Variants in TMEM132D observed in about 807,000 individuals in gnomAD.
TMEM132D encodes the protein transmembrane protein 132D, also known as mature OL transmembrane protein.
In TMEM132D, 21 loss-of-function variants were observed where a neutral mutation model predicts 62.3. That is an observed-to-expected ratio of 0.34 (90% confidence interval 0.24 to 0.49). TMEM132D has a LOEUF of 0.49. Ranked by LOEUF, TMEM132D falls within the 20% of genes least tolerant of loss-of-function variation. The probability of loss-of-function intolerance (pLI) is 0.99; values close to 1 mark genes in which losing one functional copy is unlikely to be tolerated. For missense variants in TMEM132D, 1,346 were observed against 1,402.8 expected (o/e 0.96, Z 0.65); for synonymous variants, 621 against 575.6 (o/e 1.08, Z -1.13).
At chr12:129,874,490 T>C (rs1003033667) in intron 1 of TMEM132D, among the ~76,000 whole-genome samples, 1 of 151,978 alleles carries the variant, frequency 6.6e-6, no homozygotes, top group Non-Finnish European at 1.5e-5. Context: ...TTAACTTGAT[T>C]GTGGTAATCA....
rs1341795102 is a variant in TMEM132D at position 129,747,488 on chromosome 12, CCT to C, written c.80-46792_80-46791del. On this transcript the variant is annotated intron_variant, in intron 1 of 8. Coordinates refer to ENST00000422113, the MANE Select transcript of TMEM132D (RefSeq NM_133448.3). ...TTCAGACACACACACTCTCAGATAC[CCT>C]CTCACACACACTCAGACACACACAC... is the stretch of plus-strand genomic sequence containing the variant. 2.3e-4 allele frequency among the ~76,000 whole-genome samples: 34 copies of C among 147,240 alleles called. 1 individual carries two copies.
intron 3 of TMEM132D, among the ~76,000 whole-genome samples, chr12:129,352,304 C>G (rs1414725735): frequency 1.3e-5 from 2 of 152,070 alleles, no homozygotes; most frequent in East Asian, 1.9e-4. Flanking sequence ...AAAATTAATC[C>G]TTTATCACAA....
At chr12:129,169,103 C>T (rs1877644466) in intron 5 of TMEM132D, among the ~76,000 whole-genome samples, 1 of 152,146 alleles carries the variant, frequency 6.6e-6, no homozygotes, top group Admixed American at 6.5e-5. Context: ...ACAACCAAAC[C>T]ATCCAAAGAG....
intron 3 of TMEM132D, among the ~76,000 whole-genome samples, chr12:129,518,151 C>T (rs2137078867): frequency 6.6e-6 from 1 of 151,578 alleles, no homozygotes; most frequent in East Asian, 1.9e-4. Flanking sequence ...TTCATGTTAA[C>T]CTCAATTTCA....
intron 8 of TMEM132D, among the ~76,000 whole-genome samples, chr12:129,075,641 T>C (rs1183729189): frequency 1.3e-5 from 2 of 152,198 alleles, no homozygotes; most frequent in African/African-American, 4.8e-5. Flanking sequence ...CCTCAGGCCA[T>C]AGTCTTGGCT....
At chr12:129,868,027 G>GGCGTTTATATGGTACACACATGAGACA (rs1874111446) in intron 1 of TMEM132D, among the ~76,000 whole-genome samples, 1 of 121,382 alleles carries the variant, frequency 8.2e-6, no homozygotes, top group Non-Finnish European at 1.8e-5. Flanking sequence ...TACATGAGGT[G>GGCGTTTATATGGTACACACATGAGACA]GCGTTTCTAT....
At chr12:129,870,992 CACAG>C (rs978017611) in intron 1 of TMEM132D, among the ~76,000 whole-genome samples, 1 of 152,070 alleles carries the variant, frequency 6.6e-6, no homozygotes, top group African/African-American at 2.4e-5. Flanking sequence ...TGGAGAGAGA[CACAG>C]ACAGCAGGCA....
At position 129,867,859 on chromosome 12, in the gene TMEM132D, G is replaced by A. The variant is rs1272003604; in HGVS notation, c.79+35402C>T. Among the ~76,000 whole-genome samples, 1 of 152,204 alleles carries A rather than the reference G, an allele frequency of 6.6e-6. No individual in the cohort carries two copies. The highest frequency in any genetic ancestry group is 1.9e-4 in the East Asian group (1 of 5,190). ...TGACAGGGGCCAGAGATGGGTTGGG[G>A]TTGCTGGAAAAGGAGCAGAAGAAAC... On this transcript the variant is annotated intron_variant, in intron 1 of 8. Coordinates refer to ENST00000422113, the MANE Select transcript of TMEM132D (RefSeq NM_133448.3). This position sits in a 1 kb window ranked among gnomAD's most constrained non-coding sequence, Gnocchi z 4.5.
chr12:129,736,619 A>AG (rs1373925600), intron 1 of TMEM132D, among the ~76,000 whole-genome samples: 1 of 151,606 alleles, frequency 6.6e-6, no homozygotes, highest in Non-Finnish European at 1.5e-5. Flanking sequence ...AGTATTGAAA[A>AG]AAAAACTTTC....
chr12:129,569,923 C>T (rs1413895625), intron 2 of TMEM132D, among the ~76,000 whole-genome samples: 2 of 152,198 alleles, frequency 1.3e-5, no homozygotes, highest in African/African-American at 4.8e-5. Context: ...ACGTATCCTA[C>T]TTCAACTCTA....
At chr12:129,099,189 C>T (rs138212920) in intron 5 of TMEM132D, among the ~76,000 whole-genome samples, 70 of 152,300 alleles carry the variant, frequency 4.6e-4, no homozygotes, top group Non-Finnish European at 8.1e-4. Flanking sequence ...CCTCTAAAAT[C>T]ATCCACATTC....
At chr12:129,563,467 G>C (rs1227880654) in intron 2 of TMEM132D, among the ~76,000 whole-genome samples, 1 of 152,114 alleles carries the variant, frequency 6.6e-6, no homozygotes, top group Non-Finnish European at 1.5e-5. Flanking sequence ...TTTCTAAGAG[G>C]GGAGAGTGGG....
intron 2 of TMEM132D, among the ~76,000 whole-genome samples, chr12:129,677,394 C>G (rs1312596717): frequency 1.3e-5 from 2 of 152,206 alleles, no homozygotes; most frequent in African/African-American, 4.8e-5. Flanking sequence ...CCATGTGGAA[C>G]TGGGAGTCCA....
chr12:129,738,354 G>T lies in TMEM132D; in HGVS notation c.80-37656C>A, dbSNP rs146419118. ...AGAGAAGAAGGACGAAAGAAACGGA[G>T]AAGAAAAAGGGAGGAGAGAGAAAAG... On this transcript the variant is annotated intron_variant, in intron 1 of 8. Coordinates refer to ENST00000422113, the MANE Select transcript of TMEM132D (RefSeq NM_133448.3). Among the ~76,000 whole-genome samples, 147 of 151,364 alleles carry T rather than the reference G, an allele frequency of 9.7e-4. 1 individual carries two copies. The highest frequency in any genetic ancestry group is 3.4e-3 in the African/African-American group (140 of 41,232).
intron 1 of TMEM132D, among the ~76,000 whole-genome samples, chr12:129,770,140 G>GGTTTT (rs1555230635): frequency 7.7e-5 from 8 of 104,310 alleles, no homozygotes; most frequent in Admixed American, 6.0e-4. Context: ...GGTTTTTTTG[G>GGTTTT]TTGTTTTTTT....
In TMEM132D at chr12:129,296,146, G is replaced by T. The variant is rs540954780; in HGVS notation, c.1299+41488C>A. 3.8e-4 allele frequency among the ~76,000 whole-genome samples: 58 copies of T among 151,636 alleles called. No individual in the cohort carries two copies. In the East Asian group the frequency reaches 7.2e-3, roughly 19 times the overall value. The stretch of plus-strand genomic sequence containing the variant: ...CATACACACATACACACATCCTGTT[G>T]GTTCTGTTTTTCTGGAAAACCCTGA... On this transcript the variant is annotated intron_variant, in intron 4 of 8. Coordinates refer to ENST00000422113, the MANE Select transcript of TMEM132D (RefSeq NM_133448.3).
rs781541526 is a variant in TMEM132D at position 129,371,719 on chromosome 12, T to A, written c.1116-33902A>T. On this transcript the variant is annotated intron_variant, in intron 3 of 8. Transcript: ENST00000422113. The surrounding 1 kb of genome is among the most constrained non-coding windows in gnomAD (Gnocchi z 4.3). ...GATGTGATGATAGTGATGGTGATGATGATGGGGTGTTTAGAACTGGAAAAC... is the reference window on the plus strand; with the variant it reads ...GATGTGATGATAGTGATGGTGATGAAGATGGGGTGTTTAGAACTGGAAAAC... 1.3e-5 allele frequency among the ~76,000 whole-genome samples: 2 copies of A among 152,042 alleles called. No homozygotes were observed. The highest frequency in any genetic ancestry group is 2.9e-5 in the Non-Finnish European group (2 of 68,018).
At chr12:129,404,687 A>G (rs752017444) in intron 3 of TMEM132D, among the ~76,000 whole-genome samples, 30 of 152,046 alleles carry the variant, frequency 2.0e-4, no homozygotes, top group Non-Finnish European at 4.3e-4. Context: ...AGGGGGGTGT[A>G]GGGGAGATGC....
chr12:129,566,158 A>G (rs1004596787), intron 2 of TMEM132D, among the ~76,000 whole-genome samples: 7 of 152,232 alleles, frequency 4.6e-5, no homozygotes, highest in Non-Finnish European at 8.8e-5. Flanking sequence ...TAAGTATTTG[A>G]CAAAGATTTT....
Sources: allele counts gnomAD v4.1 joint callset (sites outside exome capture counted in the v4.1 genomes callset), GRCh38; gene constraint gnomAD v4.1.1; non-coding constraint Gnocchi (gnomAD v3.1); transcripts MANE v1.5; gene names NCBI Gene and HGNC (gene_info 2026-07-23, HGNC 2026-07-21).